The following ATP9B variants were observed in gnomAD, a reference collection of about 807,000 sequenced individuals.
ATP9B encodes the protein probable phospholipid-transporting ATPase IIB.
A neutral mutation model predicts 146.1 loss-of-function variants in ATP9B; 110 were observed. That is an observed-to-expected ratio of 0.75 (90% CI 0.65 to 0.88). ATP9B has a LOEUF of 0.88. ATP9B is among the 40% of genes least tolerant of loss of function. The pLI is 0.00. For missense variants in ATP9B, 1,499 were observed against 1,496.4 expected, an observed-to-expected ratio of 1.00 and a Z score of -0.03; for synonymous variants, 604 against 569.7, an observed-to-expected ratio of 1.06 and a Z score of -0.86.
chr18:79,216,283 C>T (rs2095626481), intron 11 of ATP9B, among the ~76,000 whole-genome samples: 1 of 152,084 alleles, frequency 6.6e-6, no homozygotes, highest in Admixed American at 6.5e-5. Context: ...TGCGTTGGAG[C>T]GGCCTCCTAG....
intron 11 of ATP9B, among the ~76,000 whole-genome samples, chr18:79,251,748 G>C (rs1198498279): frequency 6.6e-6 from 1 of 152,170 alleles, no homozygotes; most frequent in African/African-American, 2.4e-5. Context: ...CAAAGTTGCA[G>C]ATTTTTCAAA....
chr18:79,282,412 T>G (rs571769331), intron 13 of ATP9B, among the ~76,000 whole-genome samples: 1 of 152,270 alleles, frequency 6.6e-6, no homozygotes, highest in East Asian at 1.9e-4. Context: ...GTTGTCTTAT[T>G]TAAGGAATTG....
chr18:79,106,580 CATG>C (rs1200828991), intron 2 of ATP9B, among the ~76,000 whole-genome samples: 1 of 152,168 alleles, frequency 6.6e-6, no homozygotes. Context: ...TATAGTAGCA[CATG>C]ATATGATAGT....
At chr18:79,138,887 G>A (rs184332503) in intron 5 of ATP9B, among the ~76,000 whole-genome samples, 381 of 151,608 alleles carry the variant, frequency 2.5e-3, no homozygotes, top group African/African-American at 9.0e-3. Flanking sequence ...TGGGAACACG[G>A]TGAAATCTCA....
intron 22 of ATP9B, 90 bp from the exon 23 acceptor site, chr18:79,345,685 T>C: frequency 6.2e-7 from 1 of 1,603,060 alleles, no homozygotes. Flanking sequence ...TCTCCATTCA[T>C]GGAAGTTTCT....
intron 13 of ATP9B, among the ~76,000 whole-genome samples, chr18:79,277,993 GT>G (rs1303623332): frequency 6.6e-6 from 1 of 152,204 alleles, no homozygotes; most frequent in Non-Finnish European, 1.5e-5. Context: ...AAACAAGACT[GT>G]TATTTAAAAT....
At chr18:79,335,030 C>CCTT (rs34048137) in intron 17 of ATP9B, among the ~76,000 whole-genome samples, 2 of 151,896 alleles carry the variant, frequency 1.3e-5, no homozygotes, top group Non-Finnish European at 2.9e-5. Context: ...CTCTGGGTGT[C>CCTT]CTTCACGTCA....
chr18:79,093,326 T>A (rs2074506409), intron 1 of ATP9B, among the ~76,000 whole-genome samples: 1 of 152,194 alleles, frequency 6.6e-6, no homozygotes, highest in Non-Finnish European at 1.5e-5. Flanking sequence ...AGACTTCTGC[T>A]TTCACAGTTC....
At chr18:79,237,814 G>A (rs746971115) in intron 11 of ATP9B, among the ~76,000 whole-genome samples, 9 of 151,920 alleles carry the variant, frequency 5.9e-5, no homozygotes, top group Non-Finnish European at 1.0e-4. Flanking sequence ...CGCTTCCTGA[G>A]TAACTGGGAG....
intron 11 of ATP9B, among the ~76,000 whole-genome samples, chr18:79,218,920 G>T (rs1007925363): frequency 6.6e-6 from 1 of 152,210 alleles, no homozygotes; most frequent in Non-Finnish European, 1.5e-5. Context: ...AGCAGCAACA[G>T]CCACGAACAA....
chr18:79,085,827 A>G (rs2073769340), intron 1 of ATP9B: 1 of 152,214 alleles, frequency 6.6e-6, no homozygotes, highest in Non-Finnish European at 1.5e-5. Context: ...TTAAGAACAG[A>G]TGTCTACTGT....
intron 7 of ATP9B, among the ~76,000 whole-genome samples, chr18:79,157,861 T>C (rs1015749641): frequency 7.2e-5 from 11 of 152,194 alleles, no homozygotes; most frequent in African/African-American, 2.7e-4. Flanking sequence ...TGTAACCTCC[T>C]TTGTTCCTGA....
At chr18:79,297,457 A>G (rs2096560724) in intron 13 of ATP9B, among the ~76,000 whole-genome samples, 1 of 152,280 alleles carries the variant, frequency 6.6e-6, no homozygotes, top group South Asian at 2.1e-4. Flanking sequence ...CGCCGTTCTC[A>G]TCGCGTTATG....
rs971966229 is a variant in ATP9B, at chr18:79,081,142, T to A, written c.119+11613T>A. 3.3e-5 allele frequency among the ~76,000 whole-genome samples: 5 copies of A among 152,180 alleles called. No individual in the cohort carries two copies. In the East Asian group the frequency reaches 9.6e-4, roughly 29 times the overall value. ...GATGATGCTGGCCTCATAAAATGAG[T>A]TAGGGAGGAGTCCCTCTTTTTCTGT... is the stretch of plus-strand genomic sequence containing the variant. On this transcript the variant is annotated intron_variant, in intron 1 of 29. Coordinates refer to ENST00000426216, the MANE Select transcript of ATP9B (RefSeq NM_198531.5).
At chr18:79,139,317 A>G (rs2094485727) in intron 5 of ATP9B, among the ~76,000 whole-genome samples, 1 of 152,216 alleles carries the variant, frequency 6.6e-6, no homozygotes. Flanking sequence ...ATCATTATCA[A>G]GTCTGTTCAG....
At chr18:79,079,193 G>T (rs942269748) in intron 1 of ATP9B, among the ~76,000 whole-genome samples, 1 of 152,090 alleles carries the variant, frequency 6.6e-6, no homozygotes, top group African/African-American at 2.4e-5. Context: ...GGGATTGCTG[G>T]GTCAGAGGGT....
chr18:79,164,583 G>T (rs2094936154), intron 7 of ATP9B, among the ~76,000 whole-genome samples: 1 of 152,100 alleles, frequency 6.6e-6, no homozygotes, highest in Non-Finnish European at 1.5e-5. Flanking sequence ...GCCAGACATG[G>T]TGGCGGGCGC....
At chr18:79,168,938 T>A (rs1310584214) in intron 7 of ATP9B, among the ~76,000 whole-genome samples, 1 of 152,074 alleles carries the variant, frequency 6.6e-6, no homozygotes, top group African/African-American at 2.4e-5. Flanking sequence ...TTCTCTCTTC[T>A]CCTCTCCAGC....
chr18:79,315,465 T>C (rs768742953), intron 15 of ATP9B, among the ~76,000 whole-genome samples: 2 of 152,246 alleles, frequency 1.3e-5, no homozygotes, highest in Non-Finnish European at 2.9e-5. Flanking sequence ...CATTAAAATA[T>C]AGAGATGATT....
Sources: allele counts gnomAD v4.1 joint callset (sites outside exome capture counted in the v4.1 genomes callset), GRCh38; gene constraint gnomAD v4.1.1; transcripts MANE v1.5; gene names NCBI Gene and HGNC (gene_info 2026-07-23, HGNC 2026-07-21).